The following CATSPERD variants were observed in gnomAD, a reference collection of about 807,000 sequenced individuals.
CATSPERD encodes the protein cation channel sperm-associated auxiliary subunit delta.
In CATSPERD, 86 loss-of-function variants were observed where a neutral mutation model predicts 98.1. That is an observed-to-expected ratio of 0.88 (90% CI 0.74 to 1.05). The LOEUF (loss-of-function observed/expected upper bound fraction) is 1.05, where lower values mean the gene tolerates loss of function less well. Ranked by LOEUF, CATSPERD falls within the 50% of genes least tolerant of loss-of-function variation. The pLI is 0.00. For synonymous variants in CATSPERD, 394 were observed against 390.2 expected, an observed-to-expected ratio of 1.01 and a Z score of -0.12; for missense variants, 995 against 1,005.7, an observed-to-expected ratio of 0.99 and a Z score of 0.14.
intron 4 of CATSPERD, among the ~76,000 whole-genome samples, chr19:5,730,852 T>C (rs895296947): frequency 6.6e-6 from 1 of 151,780 alleles, no homozygotes; most frequent in Non-Finnish European, 1.5e-5. Context: ...TACAAAAAAA[T>C]TAGCTGGGCG....
At chr19:5,723,657 G>A (rs930086789) in intron 1 of CATSPERD, among the ~76,000 whole-genome samples, 2 of 151,588 alleles carry the variant, frequency 1.3e-5, no homozygotes, top group African/African-American at 4.8e-5. Context: ...GTAGAGACGG[G>A]GTTTCACCGT....
intron 7 of CATSPERD, among the ~76,000 whole-genome samples, chr19:5,741,801 G>GGGGGGGGGGGGA (rs1491469532): frequency 1.1e-5 from 1 of 89,888 alleles, no homozygotes; most frequent in African/African-American, 4.1e-5. Context: ...GGGGGGGGTG[G>GGGGGGGGGGGGA]TGTGGATCAC....
intron 1 of CATSPERD, among the ~76,000 whole-genome samples, chr19:5,721,686 A>G (rs2055482267): frequency 1.3e-5 from 2 of 151,642 alleles, no homozygotes; most frequent in South Asian, 4.2e-4. Context: ...TATTTTTTGT[A>G]CAGATGGGGT....
intron 9 of CATSPERD, 110 bp downstream of exon 9, chr19:5,746,173 A>AT (rs1388293353): frequency 8.6e-7 from 1 of 1,166,198 alleles, no homozygotes; most frequent in Non-Finnish European, 1.2e-6. Context: ...CCACTCGGTT[A>AT]TTTTTTCTCT....
intron 5 of CATSPERD, 25 bp downstream of exon 5, chr19:5,733,995 TTTTG>T (rs2055789682): frequency 6.7e-7 from 1 of 1,489,614 alleles, no homozygotes; most frequent in Admixed American, 1.9e-5. Context: ...TATTTTTAAA[TTTTG>T]TTTGAGTGTA....
chr19:5,729,902 T>G lies in CATSPERD; in HGVS notation c.234T>G (p.Phe78Leu). ...GKQVFFTMDN[F>L]ETSLLPFTIP... is the part of the protein sequence containing the mutation. ...AAGTTTTTTTCACAATGGATAACTTTGAGACTAGTCTCCTTCCATTTACCA... is the reference window on the plus strand; with the variant it reads ...AAGTTTTTTTCACAATGGATAACTTGGAGACTAGTCTCCTTCCATTTACCA... Residue 78 changes from phenylalanine (F) to leucine (L), a missense_variant, in exon 4 of 22, where the codon TTT (phenylalanine) becomes TTG (leucine). This residue lies in a region of CATSPERD where 228 missense variants were observed against 209.6 expected (regional missense o/e 1.09). Transcript: ENST00000381624. 1.3e-6 allele frequency: 2 copies of G among 1,599,622 alleles called. No homozygotes were observed. The highest frequency in any genetic ancestry group is 1.7e-6 in the Non-Finnish European group (2 of 1,169,836).
In CATSPERD at chr19:5,776,251, CA is replaced by C. The variant is rs2056740214; in HGVS notation, c.2033del (p.Gln678ArgfsTer51). ...YQILGGRTAN[Q>X]IIFGHNGFYV... ...GATCTTGGGCGGCCGGACAGCAAAC[CA>C]GATCATTTTCGGCCACAATGGCTTT... On this transcript the variant is annotated frameshift_variant, in exon 21 of 22. Coordinates refer to ENST00000381624, the MANE Select transcript of CATSPERD (RefSeq NM_152784.4). LOFTEE classifies it high-confidence loss of function. The C allele has an allele frequency of 1.9e-6, 3 of 1,614,206 alleles. No homozygotes were observed. Among genetic ancestry groups the C allele is most frequent in the Admixed American group, 1.7e-5 (1 of 60,016 alleles).
At chr19:5,762,058 A>ATATATATATATATTTTT in intron 15 of CATSPERD, among the ~76,000 whole-genome samples, 9 of 10,440 alleles carry the variant, frequency 8.6e-4, no homozygotes, top group East Asian at 2.9e-3. Flanking sequence ...ATATATATAT[A>ATATATATATATATTTTT]TTTTTTTTTT....
At chr19:5,748,727 T>TA (rs2056145143) in intron 10 of CATSPERD, among the ~76,000 whole-genome samples, 2 of 96,862 alleles carry the variant, frequency 2.1e-5, no homozygotes, top group African/African-American at 7.2e-5. Flanking sequence ...GTCATATTAT[T>TA]CTTTTTTTTT....
At position 5,739,737 on chromosome 19, in the gene CATSPERD, G is replaced by A. The variant is rs141955841; in HGVS notation, c.573+298G>A. On this transcript the variant is annotated intron_variant, in intron 7 of 21. Transcript: ENST00000381624. ...GTGTTTTAGTCCTAGCTACTTGGAA[G>A]GCTGAGGTGGGAGGGTCACTGGAGT... 4.3e-3 allele frequency among the ~76,000 whole-genome samples: 654 copies of A among 151,876 alleles called. 7 individuals are homozygous for A. Among genetic ancestry groups the A allele is most frequent in the African/African-American group, 0.015 (613 of 41,428 alleles).
chr19:5,725,066 T>C (rs1178082678), intron 2 of CATSPERD, among the ~76,000 whole-genome samples: 3 of 152,220 alleles, frequency 2.0e-5, no homozygotes, highest in African/African-American at 7.2e-5. Flanking sequence ...GATCAAGTCA[T>C]CTGAACAACG....
chr19:5,776,022 T>C, intron 20 of CATSPERD, 139 bp from the exon 21 acceptor site: 1 of 845,152 alleles, frequency 1.2e-6, no homozygotes, highest in Non-Finnish European at 1.9e-6. Context: ...GCCCACACCA[T>C]GGGCACTTGG....
At chr19:5,751,383 A>T (rs898302687) in intron 11 of CATSPERD, among the ~76,000 whole-genome samples, 1 of 149,082 alleles carries the variant, frequency 6.7e-6, no homozygotes, top group African/African-American at 2.5e-5. Flanking sequence ...GAAAAAAAAA[A>T]TTAGCCGGGT....
At chr19:5,724,020 C>G (rs1043386602) in intron 1 of CATSPERD, among the ~76,000 whole-genome samples, 3 of 152,094 alleles carry the variant, frequency 2.0e-5, no homozygotes, top group African/African-American at 7.2e-5. Flanking sequence ...CTCGAAGTCC[C>G]AACCTCAGGT....
chr19:5,777,489 T>C (rs924203797), intron 21 of CATSPERD, among the ~76,000 whole-genome samples: 1 of 152,152 alleles, frequency 6.6e-6, no homozygotes, highest in Non-Finnish European at 1.5e-5. Context: ...TTAGTTAATT[T>C]GCCCCTTCCG....
chr19:5,778,651 C>G lies in CATSPERD; in HGVS notation c.2372C>G (p.Pro791Arg). The G allele has an allele frequency of 6.2e-7, 1 of 1,613,348 alleles. No homozygotes were observed. Among genetic ancestry groups the G allele is most frequent in the Non-Finnish European group, 8.5e-7 (1 of 1,179,926 alleles). Residue 791 changes from proline to arginine, a missense_variant, in exon 22 of 22, where the codon CCT becomes CGT. By Grantham distance (103) the Pro-to-Arg change is moderately radical. This residue lies in a region of CATSPERD where 762 missense variants were observed against 773.7 expected (regional missense o/e 0.98). Transcript: ENST00000381624. ...GTEPPGRHRT[P>R]HGGRSDH ...GAGCCCCCGGGACGCCACCGCACTC[C>G]TCACGGAGGCAGGTCTGACCACTGA...
At chr19:5,775,481 CAAA>C (rs35784220) in intron 20 of CATSPERD, among the ~76,000 whole-genome samples, 11 of 102,832 alleles carry the variant, frequency 1.1e-4, no homozygotes, top group African/African-American at 1.9e-4. Flanking sequence ...ACTAAAAATA[CAAA>C]AAAAAAAAAA....
rs559877382 is a variant in CATSPERD, at chr19:5,741,790, G to C, written c.573+2351G>C. On this transcript the variant is annotated intron_variant, in intron 7 of 21. Transcript: ENST00000381624. ...GCACTTTGGGATGCTGAAGGCGGGGGGGGGGGGGTGGTGTGGATCACTTGA... is the reference window on the plus strand; with the variant it reads ...GCACTTTGGGATGCTGAAGGCGGGGCGGGGGGGGTGGTGTGGATCACTTGA... Among the ~76,000 whole-genome samples, 10 of 96,862 alleles carry C rather than the reference G, an allele frequency of 1.0e-4. 2 individuals carry two copies. Among genetic ancestry groups the C allele is most frequent in the African/African-American group, 2.2e-4 (6 of 27,212 alleles). 63.5% of individuals were successfully genotyped at this position (96,862 alleles called of 152,430 possible). A position where few individuals can be genotyped will look rare whatever the true frequency, so the allele number is the denominator to read the frequency against.
At chr19:5,726,119 T>C (rs2055599927) in intron 2 of CATSPERD, among the ~76,000 whole-genome samples, 1 of 151,484 alleles carries the variant, frequency 6.6e-6, no homozygotes, top group South Asian at 2.1e-4. Context: ...TGGAGTGCCG[T>C]GGCACAATCT....
Sources: gnomAD v4.1 joint callset for allele counts (sites outside exome capture counted in the v4.1 genomes callset) on GRCh38, gnomAD v4.1.1 for gene constraint, gnomAD v4.1.1 regional missense constraint, MANE v1.5 for transcripts, NCBI Gene and HGNC (gene_info 2026-07-23, HGNC 2026-07-21) for gene names.